PLCB3: variants seen among roughly 807,000 people sequenced by gnomAD.
The protein encoded by PLCB3 is phospholipase C beta 3, also known as 1-phosphatidylinositol 4,5-bisphosphate phosphodiesterase beta-3.
Under a neutral mutation model 152.1 loss-of-function variants are expected in PLCB3, and 54 were observed. The observed-to-expected ratio is 0.36, with a 90% CI of 0.29 to 0.45. PLCB3 has a LOEUF of 0.45. Ranked by LOEUF, PLCB3 falls within the 20% of genes least tolerant of loss-of-function variation. PLCB3 has a pLI of 1.00. For missense variants in PLCB3, 1,248 were observed against 1,687.5 expected, an observed-to-expected ratio of 0.74 and a Z score of 4.56; for synonymous variants, 717 against 698.7, an observed-to-expected ratio of 1.03 and a Z score of -0.41.
At chr11:64,259,921 T>C (rs1351263861) in intron 13 of PLCB3, 108 bp from the exon 14 acceptor site, 7 of 898,466 alleles carry the variant, frequency 7.8e-6, no homozygotes, top group Admixed American at 2.6e-5. Flanking sequence ...AGAGTACCCC[T>C]TGAATTCCCC....
chr11:64,255,654 C>T lies in PLCB3; in HGVS notation c.597+38C>T, dbSNP rs371865386. On this transcript the variant is annotated intron_variant, in intron 7 of 30. Coordinates refer to ENST00000279230, the MANE Select transcript of PLCB3 (RefSeq NM_000932.5). This position sits in a 1 kb window ranked among gnomAD's most constrained non-coding sequence, Gnocchi z 6.8. ...GGGACAGGGGCGGGGTGGGGTGTCA[C>T]GGTGGGCACCCACCCTTACGGGGCT... 5.1e-5 allele frequency: 80 copies of T among 1,567,626 alleles called. No homozygotes were observed. In the East Asian group the frequency reaches 9.0e-4, roughly 18 times the overall value.
In PLCB3 at chr11:64,266,610, C is replaced by G; in HGVS notation, c.3414+58C>G. ...CTCCCTTCCTTCACTCATCAGACACCCATCTCCATGCCTGGCCTGGTGCCA... is the reference window on the plus strand; with the variant it reads ...CTCCCTTCCTTCACTCATCAGACACGCATCTCCATGCCTGGCCTGGTGCCA... On this transcript the variant is annotated intron_variant, in intron 29 of 30. Coordinates refer to ENST00000279230, the MANE Select transcript of PLCB3 (RefSeq NM_000932.5). This position sits in a 1 kb window ranked among gnomAD's most constrained non-coding sequence, Gnocchi z 4.9. 6.5e-7 allele frequency: 1 copy of G among 1,529,960 alleles called. No homozygotes were observed. The highest frequency in any genetic ancestry group is 9.1e-7 in the Non-Finnish European group (1 of 1,103,942). The allele number at this position is 1,529,960 out of a possible 1,614,324, so 94.8% of individuals were successfully genotyped here.
Position 64,266,460 on chromosome 11 carries a change from T to C in PLCB3, c.3357-35T>C. The stretch of plus-strand genomic sequence containing the variant: ...GTACTGGGGAGGCAGGGCAGGTGTC[T>C]GGGCCCCGAGCCATCCTGCGTTGCT... On this transcript the variant is annotated intron_variant, in intron 28 of 30. Transcript: ENST00000279230. This position sits in a 1 kb window ranked among gnomAD's most constrained non-coding sequence, Gnocchi z 4.9. The C allele has an allele frequency of 6.2e-7, 1 of 1,609,044 alleles. No homozygotes were observed. The highest frequency in any genetic ancestry group is 8.5e-7 in the Non-Finnish European group (1 of 1,175,638).
At chr11:64,253,728 C>G (rs921352305) in intron 1 of PLCB3, among the ~76,000 whole-genome samples, 3 of 152,214 alleles carry the variant, frequency 2.0e-5, no homozygotes, top group Non-Finnish European at 4.4e-5. Context: ...GCATGCACTT[C>G]CCTGCCCCCT....
At position 64,264,010 on chromosome 11, in the gene PLCB3, C is replaced by T; in HGVS notation, c.2561-11C>T. ...CTGTCTCTGAGACCTTGGCCTTCTG[C>T]CTCCCCCCAGACTATGCGGAGGCCC... On this transcript the variant is annotated splice_polypyrimidine_tract_variant and intron_variant, in intron 21 of 30. Coordinates refer to ENST00000279230, the MANE Select transcript of PLCB3 (RefSeq NM_000932.5). 6.4e-7 allele frequency: 1 copy of T among 1,566,114 alleles called. No individual in the cohort carries two copies.
intron 2 of PLCB3, 26 bp downstream of exon 2, chr11:64,254,518 G>A (rs752953194): frequency 1.4e-5 from 22 of 1,606,938 alleles, no homozygotes; most frequent in Admixed American, 1.2e-4. Context: ...GGTGCAGCTC[G>A]CTCAGGCCAA....
At position 64,261,395 on chromosome 11, in the gene PLCB3, C is replaced by T. The variant is rs2031841788; in HGVS notation, c.1732-5C>T. Reference sequence around the variant, plus strand: ...GCACTGCTGACCCTGGGTTGGGGCCCACAGGGCACAGCCAGCAGCGAGGTG... The same window carrying T: ...GCACTGCTGACCCTGGGTTGGGGCCTACAGGGCACAGCCAGCAGCGAGGTG... On this transcript the variant is annotated splice_region_variant and splice_polypyrimidine_tract_variant and intron_variant, in intron 14 of 30. Transcript: ENST00000279230. The T allele has an allele frequency of 3.7e-6, 6 of 1,612,338 alleles. No homozygotes were observed. The highest frequency in any genetic ancestry group is 1.7e-5 in the Admixed American group (1 of 60,020).
Position 64,265,324 on chromosome 11 carries a change from C to A in PLCB3, c.2857C>A (p.Pro953Thr). The A allele has an allele frequency of 1.3e-6, 2 of 1,598,460 alleles. No homozygotes were observed. The highest frequency in any genetic ancestry group is 8.5e-7 in the Non-Finnish European group (1 of 1,171,798). ...ASILSEVAPT[P>T]LDELRGHKAL... ...GCCGCTCCCAGAGGTGGCCCCCACCCCGCTGGATGAGCTCCGAGGTCACAA... is the reference window on the plus strand; with the variant it reads ...GCCGCTCCCAGAGGTGGCCCCCACCACGCTGGATGAGCTCCGAGGTCACAA... Residue 953 changes from proline (P) to threonine (T), a missense_variant, in exon 25 of 31, where the codon CCG (proline) becomes ACG (threonine). This residue lies in a region of PLCB3 where 477 missense variants were observed against 489.6 expected (regional missense o/e 0.97). Coordinates refer to ENST00000279230, the MANE Select transcript of PLCB3 (RefSeq NM_000932.5).
Position 64,267,195 on chromosome 11 carries a change from C to T in PLCB3, c.3425C>T (p.Ala1142Val). The change falls in exon 30 of 31, where the codon GCC becomes GTC. Residue 1142 changes from alanine (A) to valine (V), a missense_variant. Coordinates refer to ENST00000279230, the MANE Select transcript of PLCB3 (RefSeq NM_000932.5). The surrounding 1 kb of genome is among the most constrained non-coding windows in gnomAD (Gnocchi z 5.2). ...TGCCCACCCCTGTAGCTGGAGGAGGCCCAGAAGCAGCGGCATGACCGTCTT... is the reference window on the plus strand; with the variant it reads ...TGCCCACCCCTGTAGCTGGAGGAGGTCCAGAAGCAGCGGCATGACCGTCTT... The part of the protein sequence containing the change: ...SVNSIRRLEE[A>V]QKQRHDRLVA... The T allele has an allele frequency of 1.3e-6, 2 of 1,550,164 alleles. No homozygotes were observed. Among genetic ancestry groups the T allele is most frequent in the Non-Finnish European group, 1.7e-6 (2 of 1,146,928 alleles).
chr11:64,264,898 G>C, intron 22 of PLCB3, 53 bp from the exon 23 acceptor site: 2 of 1,591,156 alleles, frequency 1.3e-6, no homozygotes, highest in Non-Finnish European at 8.6e-7. Flanking sequence ...GAGGACAGAA[G>C]GGTCTGGAGG....
chr11:64,263,834 T>G (rs772681891), intron 21 of PLCB3, 39 bp downstream of exon 21: 2 of 1,544,430 alleles, frequency 1.3e-6, no homozygotes, highest in Admixed American at 3.4e-5. Context: ...GGCCAGGGAG[T>G]GTGAGGGACA....
At chr11:64,259,279 C>T in intron 13 of PLCB3, 35 bp downstream of exon 13, 2 of 1,447,082 alleles carry the variant, frequency 1.4e-6, no homozygotes, top group Non-Finnish European at 9.2e-7. Flanking sequence ...CCTGACTTGA[C>T]CCTAGCCTCT....
chr11:64,266,471 C>A lies in PLCB3; in HGVS notation c.3357-24C>A. 6.2e-7 allele frequency: 1 copy of A among 1,611,356 alleles called. No homozygotes were observed. Among genetic ancestry groups the A allele is most frequent in the Non-Finnish European group, 8.5e-7 (1 of 1,177,694 alleles). ...GCAGGGCAGGTGTCTGGGCCCCGAG[C>A]CATCCTGCGTTGCTCCCGTGCAGGG... On this transcript the variant is annotated intron_variant, in intron 28 of 30. Coordinates refer to ENST00000279230, the MANE Select transcript of PLCB3 (RefSeq NM_000932.5). This position sits in a 1 kb window ranked among gnomAD's most constrained non-coding sequence, Gnocchi z 4.9.
At chr11:64,259,875 C>T (rs1456348915) in intron 13 of PLCB3, among the ~76,000 whole-genome samples, 154 bp from the exon 14 acceptor site, 2 of 151,882 alleles carry the variant, frequency 1.3e-5, no homozygotes, top group East Asian at 1.9e-4. Flanking sequence ...CATCTGACCT[C>T]GACCTCTTGG....
rs2031449225 is a variant in PLCB3, at chr11:64,255,107, A to G, written c.387+69A>G. The G allele has an allele frequency of 1.3e-6, 2 of 1,556,744 alleles. No homozygotes were observed. The highest frequency in any genetic ancestry group is 1.8e-6 in the Non-Finnish European group (2 of 1,132,318). ...TCTGTGAGTCGGCCGTCACTTACCG[A>G]ACACCTGCTGTGTTCTAGGCTGCTC... On this transcript the variant is annotated intron_variant, in intron 4 of 30. Transcript: ENST00000279230. The surrounding 1 kb of genome is among the most constrained non-coding windows in gnomAD (Gnocchi z 6.8).
chr11:64,262,170 C>T lies in PLCB3; in HGVS notation c.2038+94C>T. 3 of 1,545,368 alleles carry T rather than the reference C, an allele frequency of 1.9e-6. No homozygotes were observed. The South Asian group carries it at 3.4e-5, about 17-fold the overall frequency. On this transcript the variant is annotated intron_variant, in intron 17 of 30. Coordinates refer to ENST00000279230, the MANE Select transcript of PLCB3 (RefSeq NM_000932.5). ...TGGTCTTGCCTGAATGGACCTCTGA[C>T]CCTGTCTCATCCCAGATCCCAGGGG...
At chr11:64,257,233 A>G (rs1029786584) in intron 10 of PLCB3, among the ~76,000 whole-genome samples, 1 of 151,572 alleles carries the variant, frequency 6.6e-6, no homozygotes, top group Non-Finnish European at 1.5e-5. Flanking sequence ...CAAACTCTCA[A>G]CCTCAGGTGA....
Position 64,255,179 on chromosome 11 carries a change from T to C in PLCB3, c.388-55T>C, listed in dbSNP as rs1011309770. ...GGCAGTTGTGGACCTGGGTTGTGGC[T>C]GGGCAGCCCCTGTGTCCCCCACTCA... On this transcript the variant is annotated intron_variant, in intron 4 of 30. Transcript: ENST00000279230. This position sits in a 1 kb window ranked among gnomAD's most constrained non-coding sequence, Gnocchi z 6.8. 2 of 1,539,772 alleles carry C rather than the reference T, an allele frequency of 1.3e-6. No individual in the cohort carries two copies. The highest frequency in any genetic ancestry group is 2.3e-5 in the East Asian group (1 of 44,420).
chr11:64,252,671 G>T (rs993658370), intron 1 of PLCB3, among the ~76,000 whole-genome samples: 1 of 152,184 alleles, frequency 6.6e-6, no homozygotes, highest in Non-Finnish European at 1.5e-5. Flanking sequence ...AGCGGCAGGT[G>T]TGCGAGGTGG....
Sources: gnomAD v4.1 joint callset for allele counts (sites outside exome capture counted in the v4.1 genomes callset) on GRCh38, gnomAD v4.1.1 for gene constraint, gnomAD v4.1.1 regional missense constraint, Gnocchi (gnomAD v3.1) non-coding constraint, MANE v1.5 for transcripts, NCBI Gene and HGNC (gene_info 2026-07-23, HGNC 2026-07-21) for gene names.